Variants in FAM161A observed in about 807,000 individuals in gnomAD.
The protein encoded by FAM161A is FAM161 centrosomal protein A, also known as protein FAM161A.
FAM161A carries 57 observed loss-of-function variants against 70.9 expected under a neutral mutation model. The observed-to-expected ratio is 0.80, with a 90% CI of 0.65 to 1.00. FAM161A has a LOEUF of 1.00. Among genes scored for constraint, FAM161A ranks in the 50% least tolerant of loss-of-function variants. The pLI is 0.00. For missense variants in FAM161A, 880 were observed against 836.0 expected, an observed-to-expected ratio of 1.05 and a Z score of -0.65; for synonymous variants, 299 against 295.7, an observed-to-expected ratio of 1.01 and a Z score of -0.12.
chr2:61,839,134 C>T (rs1367890015), intron 3 of FAM161A, among the ~76,000 whole-genome samples: 2 of 151,926 alleles, frequency 1.3e-5, no homozygotes, highest in South Asian at 2.1e-4. Flanking sequence ...CCACCTGCCT[C>T]GACCTCCCAA....
chr2:61,820,297 T>A, downstream of FAM161A: 1 of 719,522 alleles, frequency 1.4e-6, no homozygotes, highest in East Asian at 2.5e-5. Context: ...GAGGAGCCAT[T>A]CTGAGCAATG....
the FAM161A span, among the ~76,000 whole-genome samples, chr2:61,818,601 T>C: frequency 6.6e-6 from 1 of 152,218 alleles, no homozygotes; most frequent in Non-Finnish European, 1.5e-5. Flanking sequence ...TTAATGATGG[T>C]AACACATTAT....
chr2:61,823,965 T>A (rs1672266660), downstream of FAM161A, among the ~76,000 whole-genome samples: 1 of 152,134 alleles, frequency 6.6e-6, no homozygotes, highest in South Asian at 2.1e-4. Context: ...AGTTGACTTC[T>A]AACCATCACT....
At chr2:61,847,634 A>G (rs1673275361) in intron 1 of FAM161A, among the ~76,000 whole-genome samples, 1 of 152,098 alleles carries the variant, frequency 6.6e-6, no homozygotes, top group Admixed American at 6.5e-5. Flanking sequence ...TAGCTTGGTG[A>G]GGTAGTATGC....
chr2:61,838,888 A>ATTTTTTTTTTT (rs962221306), intron 3 of FAM161A, among the ~76,000 whole-genome samples, 183 bp from the exon 4 acceptor site: 3 of 118,146 alleles, frequency 2.5e-5, no homozygotes, highest in African/African-American at 9.0e-5. Flanking sequence ...TTATTTATTT[A>ATTTTTTTTTTT]TTTATTTTTT....
At chr2:61,812,377 T>A in the FAM161A span, among the ~76,000 whole-genome samples, 1 of 152,212 alleles carries the variant, frequency 6.6e-6, no homozygotes, top group Non-Finnish European at 1.5e-5. Flanking sequence ...GGATTATTTA[T>A]AAGTTAGTGC....
chr2:61,806,184 C>G, the FAM161A span, among the ~76,000 whole-genome samples: 2 of 152,054 alleles, frequency 1.3e-5, no homozygotes, highest in Non-Finnish European at 2.9e-5. Context: ...CACTACTGCA[C>G]TCAAGCCTGG....
At chr2:61,846,435 C>T (rs1673217672) in intron 1 of FAM161A, among the ~76,000 whole-genome samples, 1 of 152,158 alleles carries the variant, frequency 6.6e-6, no homozygotes, top group African/African-American at 2.4e-5. Context: ...AGTTAAATAA[C>T]TTTTAGTTTG....
At chr2:61,806,839 C>A in the FAM161A span, among the ~76,000 whole-genome samples, 1 of 151,682 alleles carries the variant, frequency 6.6e-6, no homozygotes, top group South Asian at 2.1e-4. Context: ...ACTACAGGCA[C>A]CTGCCACCAT....
At chr2:61,838,457 C>T in intron 4 of FAM161A, 81 bp downstream of exon 4, 4 of 1,172,580 alleles carry the variant, frequency 3.4e-6, no homozygotes, top group Non-Finnish European at 2.5e-6. Flanking sequence ...TTTCAATCTG[C>T]TCATATTTTA....
the FAM161A span, among the ~76,000 whole-genome samples, chr2:61,813,370 G>A: frequency 3.6e-5 from 5 of 139,566 alleles, no homozygotes; most frequent in African/African-American, 8.1e-5. Context: ...GTGACACCTC[G>A]TCTCTACTAA....
At chr2:61,812,809 C>G in the FAM161A span, among the ~76,000 whole-genome samples, 1 of 152,146 alleles carries the variant, frequency 6.6e-6, no homozygotes, top group Non-Finnish European at 1.5e-5. Flanking sequence ...GTGGCTCACA[C>G]CTGTAATCCC....
rs565233314 is a variant in FAM161A, at chr2:61,840,452, C to T, written c.552G>A (p.Glu184=). 1.9e-6 allele frequency: 3 copies of T among 1,613,984 alleles called. No individual in the cohort carries two copies. The South Asian group carries it at 3.3e-5, about 18-fold the overall frequency. ...SEEELPNLEK[E]YPRKNRMMTY... ...TCATCATTCTGTTTTTCCTAGGATA[C>T]TCTTTTTCTAGGTTGGGTAACTCCT... The change falls in exon 3 of 7, where the codon GAG becomes GAA. Residue 184 remains glutamate, a synonymous_variant. Coordinates refer to ENST00000404929, the MANE Select transcript of FAM161A (RefSeq NM_001201543.2).
the FAM161A span, among the ~76,000 whole-genome samples, chr2:61,801,568 G>T: frequency 7.0e-4 from 89 of 127,818 alleles, no homozygotes; most frequent in Admixed American, 2.2e-3. Context: ...GGTTTTTTTG[G>T]TTTTTTTTTT....
intron 4 of FAM161A, 93 bp downstream of exon 4, chr2:61,838,445 A>G: frequency 9.3e-7 from 1 of 1,076,722 alleles, no homozygotes; most frequent in East Asian, 2.4e-5. Context: ...CACTAATGCT[A>G]TTTTCAATCT....
At position 61,826,337 on chromosome 2, in the gene FAM161A, G is replaced by C; in HGVS notation, c.*118C>G. ...GGCTTTTCAGGCTACAGATGACTTT[G>C]ATCAACAGCCCTGCACATATCAGAA... is the stretch of plus-strand genomic sequence containing the variant. On this transcript the variant is annotated 3_prime_UTR_variant, in exon 7 of 7. Transcript: ENST00000404929. 1.8e-6 allele frequency: 2 copies of C among 1,134,756 alleles called. No homozygotes were observed. Among genetic ancestry groups the C allele is most frequent in the Non-Finnish European group, 2.6e-6 (2 of 766,318 alleles). The allele number at this position is 1,134,756 out of a possible 1,614,324, so 70.3% of individuals were successfully genotyped here.
chr2:61,847,231 A>G (rs982608639), intron 1 of FAM161A, among the ~76,000 whole-genome samples: 1 of 152,060 alleles, frequency 6.6e-6, no homozygotes, highest in African/African-American at 2.4e-5. Context: ...TCTCCCTAGG[A>G]TGCCTTTTCC....
intron 3 of FAM161A, 72 bp from the exon 4 acceptor site, chr2:61,838,777 G>T: frequency 8.7e-7 from 1 of 1,148,794 alleles, no homozygotes; most frequent in Non-Finnish European, 1.1e-6. Flanking sequence ...ATTTAACATG[G>T]GATAATTTGA....
chr2:61,825,987 A>T lies in FAM161A; in HGVS notation c.*468T>A, dbSNP rs1208905806. The T allele has an allele frequency of 2.2e-6, 1 of 454,156 alleles. No individual in the cohort carries two copies. Among genetic ancestry groups the T allele is most frequent in the South Asian group, 1.6e-5 (1 of 64,468 alleles). The allele number at this position is 454,156 out of a possible 1,614,324, so 28.1% of individuals were successfully genotyped here. A position where few individuals can be genotyped will look rare whatever the true frequency, so the allele number is the denominator to read the frequency against. ...TCAGAGCAGCAAAACAAGTTAGAGG[A>T]TTTATTCTGTGAAATGCACTGCAGA... On this transcript the variant is annotated 3_prime_UTR_variant, in exon 7 of 7. Transcript: ENST00000404929.
Sources: allele counts gnomAD v4.1 joint callset (sites outside exome capture counted in the v4.1 genomes callset), GRCh38; gene constraint gnomAD v4.1.1; transcripts MANE v1.5; gene names NCBI Gene and HGNC (gene_info 2026-07-23, HGNC 2026-07-21).